RYR3: variants seen among roughly 807,000 people sequenced by gnomAD.
RYR3 encodes ryanodine receptor 3.
Under a neutral mutation model 584.3 loss-of-function variants are expected in RYR3, and 207 were observed. That is an observed-to-expected ratio of 0.35 (90% CI 0.32 to 0.40). The LOEUF is 0.40. Ranked by LOEUF, RYR3 falls within the 10% of genes least tolerant of loss-of-function variation. RYR3 has a pLI of 1.00. For synonymous variants in RYR3, 2,416 were observed against 2,248.5 expected (o/e 1.07, Z -2.11); for missense variants, 5,616 against 6,089.2 (o/e 0.92, Z 2.59).
intron 3 of RYR3, among the ~76,000 whole-genome samples, chr15:33,506,100 G>A (rs946447234): frequency 5.0e-4 from 76 of 152,064 alleles, no homozygotes; most frequent in African/African-American, 1.8e-3. Context: ...CAAAAGTTCT[G>A]GTTTTTCCTT....
rs576718458 is a variant in RYR3 at position 33,840,983 on chromosome 15, T to G, written c.13037+100T>G. ...CTGTAATCCCAGCACTTTGAGAGGCTGAGGCTGGAGGATCACTTGAACCCA... is the reference window on the plus strand; with the variant it reads ...CTGTAATCCCAGCACTTTGAGAGGCGGAGGCTGGAGGATCACTTGAACCCA... On this transcript the variant is annotated intron_variant, in intron 90 of 103. Transcript: ENST00000634891. The G allele has an allele frequency of 7.5e-6, 8 of 1,072,642 alleles. No individual in the cohort carries two copies. In the South Asian group the frequency reaches 1.1e-4, roughly 15 times the overall value. 66.4% of individuals were successfully genotyped at this position (1,072,642 alleles called of 1,614,324 possible).
At chr15:33,823,210 A>C in intron 81 of RYR3, 138 bp downstream of exon 81, 1 of 638,092 alleles carries the variant, frequency 1.6e-6, no homozygotes, top group Non-Finnish European at 2.6e-6. Flanking sequence ...AAGCTAAGAG[A>C]GTAGGTGTTG....
At chr15:33,732,374 C>G (rs1302348729) in intron 48 of RYR3, among the ~76,000 whole-genome samples, 6 of 124,298 alleles carry the variant, frequency 4.8e-5, no homozygotes, top group Admixed American at 3.4e-4. Context: ...GGCGACAGAG[C>G]AAGACTCCAT....
intron 19 of RYR3, among the ~76,000 whole-genome samples, chr15:33,615,158 A>G (rs1023949229): frequency 3.3e-5 from 5 of 152,218 alleles, no homozygotes; most frequent in Non-Finnish European, 7.3e-5. Flanking sequence ...ACTGGAGTCA[A>G]CATAGAATCA....
At chr15:33,797,535 CTG>C (rs1349727376) in intron 67 of RYR3, among the ~76,000 whole-genome samples, 1 of 152,152 alleles carries the variant, frequency 6.6e-6, no homozygotes, top group African/African-American at 2.4e-5. Context: ...ACTTACCACT[CTG>C]AGCTTGAAGA....
At chr15:33,660,512 G>C in intron 34 of RYR3, 89 bp downstream of exon 34, 1 of 849,070 alleles carries the variant, frequency 1.2e-6, no homozygotes, top group Non-Finnish European at 1.8e-6. Context: ...AGGAGCATCT[G>C]TGTTGGATCC....
At chr15:33,421,843 G>A (rs927988967) in intron 1 of RYR3, among the ~76,000 whole-genome samples, 2 of 152,140 alleles carry the variant, frequency 1.3e-5, no homozygotes, top group Non-Finnish European at 1.5e-5. Flanking sequence ...AGATGTAGAA[G>A]CAGAACAAAG....
At chr15:33,681,240 A>T (rs76035349) in intron 38 of RYR3, among the ~76,000 whole-genome samples, 2 of 152,300 alleles carry the variant, frequency 1.3e-5, no homozygotes, top group Non-Finnish European at 2.9e-5. Context: ...ACCATCCTCA[A>T]CCCAAGACTT....
rs554740819 is a variant in RYR3, at chr15:33,406,316, A to G, written c.52-67103A>G. ...CAAGGAGTGGATCTATTGATAACAGATGGCTAGCTCCCTTGGACCAAATGT... is the reference window on the plus strand; with the variant it reads ...CAAGGAGTGGATCTATTGATAACAGGTGGCTAGCTCCCTTGGACCAAATGT... On this transcript the variant is annotated intron_variant, in intron 1 of 103. Transcript: ENST00000634891. Among the ~76,000 whole-genome samples, 6 of 152,300 alleles carry G rather than the reference A, an allele frequency of 3.9e-5. No homozygotes were observed. In the South Asian group the frequency reaches 6.2e-4, roughly 16 times the overall value.
At chr15:33,522,592 A>C (rs2054083943) in intron 3 of RYR3, among the ~76,000 whole-genome samples, 1 of 152,202 alleles carries the variant, frequency 6.6e-6, no homozygotes, top group African/African-American at 2.4e-5. Flanking sequence ...GAGCCACAGG[A>C]GGTAGAGAGA....
At chr15:33,623,604 T>G (rs11637033) in intron 19 of RYR3, among the ~76,000 whole-genome samples, 1 of 152,034 alleles carries the variant, frequency 6.6e-6, no homozygotes, top group Admixed American at 6.5e-5. Flanking sequence ...ATGGGTCAGC[T>G]GAGGATCAGC....
At chr15:33,577,395 G>A (rs142004660) in intron 12 of RYR3, among the ~76,000 whole-genome samples, 6,181 of 152,248 alleles carry the variant, frequency 0.041, 191 homozygotes, top group Non-Finnish European at 0.061. Flanking sequence ...AACCAAAACA[G>A]CATGATACTG....
Position 33,827,221 on chromosome 15 carries a change from T to G in RYR3, c.11268T>G (p.Thr3756=). The part of the protein sequence containing the change: ...HNSDFQNFLR[T]QMGNTTTVNV... The stretch of plus-strand genomic sequence containing the variant: ...CAGACTTTCAGAACTTCCTGCGGAC[T>G]CAGATGGGCAACACCACCACCGTGA... Residue 3756 remains threonine (T), a synonymous_variant, in exon 85 of 104, where the codon ACT becomes ACG. Coordinates refer to ENST00000634891, the MANE Select transcript of RYR3 (RefSeq NM_001036.6). 1.9e-6 allele frequency: 3 copies of G among 1,552,072 alleles called. No homozygotes were observed. Among genetic ancestry groups the G allele is most frequent in the Non-Finnish European group, 2.6e-6 (3 of 1,147,236 alleles).
Position 33,420,208 on chromosome 15 carries a change from G to C in RYR3, c.52-53211G>C, listed in dbSNP as rs76565292. ...AGAATTTGCATTGCATAGAGAGTGG[G>C]AGAGGGGAAATGGATGTGTTGGGCA... On this transcript the variant is annotated intron_variant, in intron 1 of 103. Transcript: ENST00000634891. Among the ~76,000 whole-genome samples the C allele has an allele frequency of 4.7e-3, 714 of 152,272 alleles. 11 individuals are homozygous for C. Among genetic ancestry groups the C allele is most frequent in the African/African-American group, 0.016 (677 of 41,558 alleles).
intron 67 of RYR3, among the ~76,000 whole-genome samples, chr15:33,794,349 A>ACATATATGTATGTG (rs1491104139): frequency 1.7e-4 from 17 of 102,476 alleles, no homozygotes; most frequent in Non-Finnish European, 2.6e-4. Context: ...ATATATAAAA[A>ACATATATGTATGTG]TATATATATA....
chr15:33,375,947 G>C (rs4519315), intron 1 of RYR3, among the ~76,000 whole-genome samples: 22,291 of 151,904 alleles, frequency 0.15, 1,758 homozygotes, highest in Middle Eastern at 0.21. Flanking sequence ...GCCTGTAGTT[G>C]CAGCTACTCG....
intron 2 of RYR3, among the ~76,000 whole-genome samples, chr15:33,500,645 T>C (rs1351626131): frequency 2.0e-5 from 3 of 152,146 alleles, no homozygotes; most frequent in Admixed American, 2.0e-4. Flanking sequence ...CTTCTCTCCA[T>C]GCTGAGAGTC....
At chr15:33,669,790 G>A (rs1030331153) in intron 37 of RYR3, among the ~76,000 whole-genome samples, 2 of 143,070 alleles carry the variant, frequency 1.4e-5, no homozygotes, top group Non-Finnish European at 3.0e-5. Context: ...CAGCTTCCAG[G>A]TGAGACAAGA....
chr15:33,550,398 G>A (rs1438711106), intron 10 of RYR3, 82 bp downstream of exon 10: 3 of 1,355,858 alleles, frequency 2.2e-6, no homozygotes, highest in Non-Finnish European at 3.0e-6. Context: ...AACTGGAAAA[G>A]AAAGTAGGCT....
Sources: gnomAD v4.1 joint callset for allele counts (sites outside exome capture counted in the v4.1 genomes callset) on GRCh38, gnomAD v4.1.1 for gene constraint, MANE v1.5 for transcripts, NCBI Gene and HGNC (gene_info 2026-07-23, HGNC 2026-07-21) for gene names.